WSCD2: variants seen among roughly 807,000 people sequenced by gnomAD.
WSCD2 encodes the protein sialate:O-sulfotransferase 2.
Under a neutral mutation model 55.7 loss-of-function variants are expected in WSCD2, and 28 were observed. The ratio of observed to expected loss-of-function variants is 0.50; its 90% confidence interval spans 0.37 to 0.69. The LOEUF is 0.69. Among genes scored for constraint, WSCD2 ranks in the 30% least tolerant of loss-of-function variants. The pLI, the probability that WSCD2 is intolerant of heterozygous loss-of-function variation, is 0.00. For synonymous variants in WSCD2, 301 were observed against 301.9 expected, an observed-to-expected ratio of 1.00 and a Z score of 0.03; for missense variants, 616 against 762.1, an observed-to-expected ratio of 0.81 and a Z score of 2.26.
At chr12:108,214,108 G>T (rs1886546513) in intron 4 of WSCD2, among the ~76,000 whole-genome samples, 1 of 152,222 alleles carries the variant, frequency 6.6e-6, no homozygotes, top group Non-Finnish European at 1.5e-5. Flanking sequence ...TCAGGCAAGA[G>T]AAATGAGCGA....
At chr12:108,193,511 A>T (rs1883460386) in intron 1 of WSCD2, among the ~76,000 whole-genome samples, 1 of 151,970 alleles carries the variant, frequency 6.6e-6, no homozygotes, top group Non-Finnish European at 1.5e-5. Flanking sequence ...GAATGGATGT[A>T]TAGTTGGACA....
At chr12:108,239,776 A>G (rs1889567366) in intron 7 of WSCD2, among the ~76,000 whole-genome samples, 1 of 152,160 alleles carries the variant, frequency 6.6e-6, no homozygotes, top group Non-Finnish European at 1.5e-5. Flanking sequence ...CTGCAGTGGC[A>G]TGATCATAGC....
Position 108,250,316 on chromosome 12 carries a change from G to A in WSCD2, c.*1973G>A, listed in dbSNP as rs1890362634. The A allele has an allele frequency of 6.6e-6, 1 of 152,264 alleles. No homozygotes were observed. Among genetic ancestry groups the A allele is most frequent in the African/African-American group, 2.4e-5 (1 of 41,396 alleles). 9.4% of individuals were successfully genotyped at this position (152,264 alleles called of 1,614,324 possible). ...AATGTTCGGGGTGGCAGGCGGGTTG[G>A]TGTATAACTGCTTTGTGCCTGTGTG... On this transcript the variant is annotated 3_prime_UTR_variant, in exon 9 of 9. Coordinates refer to ENST00000547525, the MANE Select transcript of WSCD2 (RefSeq NM_014653.4).
At chr12:108,219,135 A>G (rs1248156047) in intron 4 of WSCD2, among the ~76,000 whole-genome samples, 2 of 152,168 alleles carry the variant, frequency 1.3e-5, no homozygotes. Context: ...CAGGCAACCC[A>G]GAGAGAGCCC....
intron 1 of WSCD2, among the ~76,000 whole-genome samples, chr12:108,134,203 T>C (rs1281664751): frequency 6.6e-6 from 1 of 152,186 alleles, no homozygotes; most frequent in Admixed American, 6.5e-5. Context: ...TGCCTGGTTA[T>C]TGGGATGGGT....
rs115513009 is a variant in WSCD2, at chr12:108,174,964, G to A, written c.-551-20318G>A. Among the ~76,000 whole-genome samples, 327 of 152,302 alleles carry A rather than the reference G, an allele frequency of 2.1e-3. 1 individual carries two copies. The highest frequency in any genetic ancestry group is 7.2e-3 in the African/African-American group (299 of 41,566). On this transcript the variant is annotated intron_variant, in intron 1 of 8. Coordinates refer to ENST00000547525, the MANE Select transcript of WSCD2 (RefSeq NM_014653.4). ...ATGGAAATGTGTCAGTCACTGTGGT[G>A]GGAGCCAGGGACACAGAGGTGAGGA...
Position 108,224,773 on chromosome 12 carries a change from G to C in WSCD2, c.717G>C (p.Arg239Ser), listed in dbSNP as rs1593078235. ...CAGTGTTCCGGGGCTGCTTCCGCAG[G>C]CCCGACAACCTTTCCCTGGCCTTAC... ...GSAVFRGCFRRPDNLSLALPV... is the reference protein window; with the variant it reads ...GSAVFRGCFRSPDNLSLALPV... The change falls in exon 5 of 9, where the codon AGG (arginine) becomes AGC (serine). Residue 239 changes from arginine to serine, a missense_variant. Physicochemically the swap from Arg to Ser is moderately radical, Grantham distance 110 (BLOSUM62 -1). This residue lies in a region of WSCD2 where 374 missense variants were observed against 467.4 expected (regional missense o/e 0.80). Coordinates refer to ENST00000547525, the MANE Select transcript of WSCD2 (RefSeq NM_014653.4). The C allele has an allele frequency of 6.2e-7, 1 of 1,613,466 alleles. No homozygotes were observed. The highest frequency in any genetic ancestry group is 1.3e-5 in the African/African-American group (1 of 75,074).
At position 108,146,006 on chromosome 12, in the gene WSCD2, T is replaced by C. The variant is rs986760393; in HGVS notation, c.-552+16080T>C. On this transcript the variant is annotated intron_variant, in intron 1 of 8. Coordinates refer to ENST00000547525, the MANE Select transcript of WSCD2 (RefSeq NM_014653.4). ...GAAATTACCACCATCGTCCTGAAGG[T>C]AGTTACCTCGACTGGAGAAGGAGGG... 7.2e-4 allele frequency among the ~76,000 whole-genome samples: 110 copies of C among 152,152 alleles called. 1 individual carries two copies. Among genetic ancestry groups the C allele is most frequent in the African/African-American group, 2.4e-3 (100 of 41,426 alleles).
At position 108,210,231 on chromosome 12, in the gene WSCD2, G is replaced by A. The variant is rs187377943; in HGVS notation, c.608G>A (p.Arg203Gln). The A allele has an allele frequency of 2.9e-5, 47 of 1,612,828 alleles. No individual in the cohort carries two copies. The highest frequency in any genetic ancestry group is 1.6e-4 in the African/African-American group (12 of 75,036). ...TGCGACATGGAGTGCAAGGGCGAGC[G>A]AGGCAGCGTGTGCGGCGGCGCCAAC... The part of the protein sequence containing the change: ...AECDMECKGE[R>Q]GSVCGGANRL... The change falls in exon 4 of 9, where the codon CGA (arginine) becomes CAA (glutamine). Residue 203 changes from arginine to glutamine, a missense_variant. Arg to Gln is a conservative substitution (Grantham distance 43). Transcript: ENST00000547525. The surrounding 1 kb of genome is among the most constrained non-coding windows in gnomAD (Gnocchi z 4.3).
rs542586159 is a variant in WSCD2 at position 108,242,149 on chromosome 12, G to C, written c.1345+1605G>C. Among the ~76,000 whole-genome samples the C allele has an allele frequency of 1.7e-3, 257 of 152,330 alleles. 1 individual carries two copies. The highest frequency in any genetic ancestry group is 6.0e-3 in the African/African-American group (250 of 41,570). On this transcript the variant is annotated intron_variant, in intron 8 of 8. Coordinates refer to ENST00000547525, the MANE Select transcript of WSCD2 (RefSeq NM_014653.4). ...CCCCAGAGAGGAACAGAGCAGGGCA[G>C]GATGACGTAACTCAGCAATTCACCC...
At chr12:108,200,509 T>G (rs1884531552) in intron 2 of WSCD2, among the ~76,000 whole-genome samples, 1 of 147,032 alleles carries the variant, frequency 6.8e-6, no homozygotes, top group African/African-American at 2.5e-5. Context: ...TCATTCATTC[T>G]GTATTTATCA....
intron 1 of WSCD2, among the ~76,000 whole-genome samples, chr12:108,166,748 CTTTCTTTCTTTCT>C (rs1290664055): frequency 0.016 from 774 of 48,084 alleles, 12 homozygotes; most frequent in African/African-American, 0.034. Flanking sequence ...TTCTTTCCTT[CTTTCTTTCTTTCT>C]TTTCTTTCTT....
intron 1 of WSCD2, among the ~76,000 whole-genome samples, chr12:108,147,852 G>A (rs1312516729): frequency 6.7e-6 from 1 of 149,870 alleles, no homozygotes; most frequent in African/African-American, 2.5e-5. Context: ...GTGAGACCCT[G>A]TCTCAGAAAA....
At chr12:108,183,974 T>C (rs1466286350) in intron 1 of WSCD2, among the ~76,000 whole-genome samples, 1 of 152,158 alleles carries the variant, frequency 6.6e-6, no homozygotes, top group Non-Finnish European at 1.5e-5. Flanking sequence ...GCCTGGCACA[T>C]AGTAATTGTG....
chr12:108,205,784 C>A (rs1210132565), intron 2 of WSCD2, among the ~76,000 whole-genome samples: 1 of 152,192 alleles, frequency 6.6e-6, no homozygotes, highest in East Asian at 1.9e-4. Context: ...AACTAGGTAT[C>A]TGAAAGGTTA....
At chr12:108,136,463 C>T (rs914877910) in intron 1 of WSCD2, among the ~76,000 whole-genome samples, 17 of 152,154 alleles carry the variant, frequency 1.1e-4, no homozygotes, top group Non-Finnish European at 2.9e-5. Context: ...GGCCTGTGCT[C>T]CAAGGTGGCC....
intron 1 of WSCD2, among the ~76,000 whole-genome samples, chr12:108,190,597 C>T (rs1883040597): frequency 6.6e-6 from 1 of 152,110 alleles, no homozygotes; most frequent in South Asian, 2.1e-4. Context: ...TTTTTCTTTC[C>T]CCTGCAGGCA....
rs991548454 is a variant in WSCD2 at position 108,129,306 on chromosome 12, C to T, written c.-1172C>T. Among the ~76,000 whole-genome samples, 14 of 152,048 alleles carry T rather than the reference C, an allele frequency of 9.2e-5. No individual in the cohort carries two copies. Among genetic ancestry groups the T allele is most frequent in the Non-Finnish European group, 1.8e-4 (12 of 67,962 alleles). On this transcript the variant is annotated 5_prime_UTR_variant, in exon 1 of 9. Coordinates refer to ENST00000547525, the MANE Select transcript of WSCD2 (RefSeq NM_014653.4). Reference sequence around the variant, plus strand: ...CCGGGCTGAGGCGCGCTGCTGGTGGCGGCGGCGGCAGCGGCGCGGGAGCTA... The same window carrying T: ...CCGGGCTGAGGCGCGCTGCTGGTGGTGGCGGCGGCAGCGGCGCGGGAGCTA...
At chr12:108,175,490 A>G (rs548484296) in intron 1 of WSCD2, among the ~76,000 whole-genome samples, 16 of 152,366 alleles carry the variant, frequency 1.1e-4, no homozygotes, top group Middle Eastern at 3.4e-3. Flanking sequence ...AGGCAAATGT[A>G]AAAACAAAAC....
Sources: gnomAD v4.1 joint callset for allele counts (sites outside exome capture counted in the v4.1 genomes callset) on GRCh38, gnomAD v4.1.1 for gene constraint, gnomAD v4.1.1 regional missense constraint, Gnocchi (gnomAD v3.1) non-coding constraint, MANE v1.5 for transcripts, NCBI Gene and HGNC (gene_info 2026-07-23, HGNC 2026-07-21) for gene names.